OR2L13: variants seen among roughly 807,000 people sequenced by gnomAD.
The protein encoded by OR2L13 is olfactory receptor family 2 subfamily L member 13.
A neutral mutation model predicts 15.3 loss-of-function variants in OR2L13; 14 were observed. The ratio of observed to expected loss-of-function variants is 0.91; its 90% confidence interval spans 0.60 to 1.43. The LOEUF is 1.43. Among genes scored for constraint, OR2L13 ranks in the 40% most tolerant of loss-of-function variants. The pLI, the probability that OR2L13 is intolerant of heterozygous loss-of-function variation, is 0.00. For missense variants in OR2L13, 367 were observed against 387.9 expected (o/e 0.95, Z 0.45); for synonymous variants, 152 against 142.9 (o/e 1.06, Z -0.45).
chr1:248,008,303 AT>A, the OR2L13 span, among the ~76,000 whole-genome samples: 1 of 152,048 alleles, frequency 6.6e-6, no homozygotes, highest in Non-Finnish European at 1.5e-5. Context: ...CTATTCTTTG[AT>A]TTTTTCTATA....
the OR2L13 span, among the ~76,000 whole-genome samples, chr1:248,086,054 C>G: frequency 6.6e-6 from 1 of 152,212 alleles, no homozygotes; most frequent in African/African-American, 2.4e-5. Flanking sequence ...TTTTGCATAT[C>G]AGAGTTTGAA....
chr1:247,958,343 A>G, the OR2L13 span, among the ~76,000 whole-genome samples: 3,655 of 152,212 alleles, frequency 0.024, 74 homozygotes, highest in East Asian at 0.088. Context: ...AGATTTGCTG[A>G]GGAGTGCTTT....
At chr1:248,076,804 A>T in the OR2L13 span, among the ~76,000 whole-genome samples, 24 of 152,266 alleles carry the variant, frequency 1.6e-4, no homozygotes, top group Non-Finnish European at 2.9e-4. Flanking sequence ...ACAATTTGAC[A>T]TCCTCATTTC....
At chr1:248,021,567 C>T in the OR2L13 span, among the ~76,000 whole-genome samples, 16 of 152,136 alleles carry the variant, frequency 1.1e-4, no homozygotes, top group Non-Finnish European at 1.9e-4. Context: ...GTTCCCTTCA[C>T]TTTATTTCAT....
the OR2L13 span, among the ~76,000 whole-genome samples, chr1:248,042,817 C>T: frequency 1.3e-5 from 2 of 152,184 alleles, no homozygotes; most frequent in Non-Finnish European, 2.9e-5. Context: ...CTCATCCTCT[C>T]TTCACTAAAG....
the OR2L13 span, among the ~76,000 whole-genome samples, chr1:248,087,979 A>G: frequency 6.6e-6 from 1 of 152,208 alleles, no homozygotes; most frequent in Non-Finnish European, 1.5e-5. Flanking sequence ...TATTTATTCA[A>G]CATTTCTACA....
upstream of OR2L13, among the ~76,000 whole-genome samples, chr1:248,096,361 C>T (rs558108223): frequency 4.9e-4 from 72 of 147,914 alleles, 1 homozygote; most frequent in African/African-American, 1.3e-3. Context: ...CCAGCCTGGG[C>T]GACACAGTGA....
At chr1:248,100,266 G>A in exon 3 of OR2L13, 3 of 1,612,750 alleles carry the variant, frequency 1.9e-6, no homozygotes, top group Non-Finnish European at 2.5e-6. Flanking sequence ...AGGAAGTCCT[G>A]GGGGCTATGA....
At chr1:248,080,136 T>A in the OR2L13 span, among the ~76,000 whole-genome samples, 2 of 152,156 alleles carry the variant, frequency 1.3e-5, no homozygotes, top group African/African-American at 4.8e-5. Context: ...GATACATATT[T>A]TTTTTTACAT....
At chr1:248,099,559 C>T in exon 3 of OR2L13, 2 of 1,614,144 alleles carry the variant, frequency 1.2e-6, no homozygotes, top group East Asian at 4.5e-5. Flanking sequence ...GTACTTTCTT[C>T]TCAGCCAGCT....
the OR2L13 span, chr1:247,949,048 A>T: frequency 6.2e-7 from 1 of 1,613,740 alleles, no homozygotes; most frequent in African/African-American, 1.3e-5. Flanking sequence ...CTACTGAGTC[A>T]GCTCTCCCTC....
the OR2L13 span, among the ~76,000 whole-genome samples, chr1:247,953,822 T>C: frequency 1.3e-5 from 2 of 152,166 alleles, no homozygotes; most frequent in Non-Finnish European, 2.9e-5. Flanking sequence ...GGGAATGCAG[T>C]GTACCTGAAT....
chr1:247,992,528 C>T, the OR2L13 span, among the ~76,000 whole-genome samples: 1 of 152,132 alleles, frequency 6.6e-6, no homozygotes, highest in Non-Finnish European at 1.5e-5. Context: ...TTAATCCCAT[C>T]CCCTCCCTCT....
the OR2L13 span, among the ~76,000 whole-genome samples, chr1:248,080,959 A>G: frequency 6.6e-6 from 1 of 152,182 alleles, no homozygotes; most frequent in African/African-American, 2.4e-5. Context: ...TTTTGTTTCT[A>G]CCATTCATGG....
chr1:248,030,823 G>T, the OR2L13 span, among the ~76,000 whole-genome samples: 1 of 152,094 alleles, frequency 6.6e-6, no homozygotes, highest in East Asian at 1.9e-4. Context: ...CATATTGCAC[G>T]TGCCAGTGTG....
At chr1:248,074,915 C>T in the OR2L13 span, among the ~76,000 whole-genome samples, 1 of 152,136 alleles carries the variant, frequency 6.6e-6, no homozygotes, top group African/African-American at 2.4e-5. Flanking sequence ...GGTATATGTG[C>T]ACAATGTGCA....
chr1:248,082,709 A>C, the OR2L13 span, among the ~76,000 whole-genome samples: 2 of 152,198 alleles, frequency 1.3e-5, no homozygotes, highest in South Asian at 4.1e-4. Context: ...CCAAACCTTT[A>C]GAAGGTGTCC....
At chr1:247,977,902 T>C in the OR2L13 span, among the ~76,000 whole-genome samples, 19 of 152,168 alleles carry the variant, frequency 1.2e-4, no homozygotes, top group African/African-American at 4.3e-4. Context: ...CACTCACTTC[T>C]CGACCAATCA....
chr1:247,976,801 C>G, the OR2L13 span, among the ~76,000 whole-genome samples: 1 of 152,196 alleles, frequency 6.6e-6, no homozygotes, highest in African/African-American at 2.4e-5. Flanking sequence ...ACTTTATGTT[C>G]TCTTCATCTT....
Sources: allele counts gnomAD v4.1 joint callset (sites outside exome capture counted in the v4.1 genomes callset), GRCh38; gene constraint gnomAD v4.1.1; transcripts MANE v1.5; gene names NCBI Gene and HGNC (gene_info 2026-07-23, HGNC 2026-07-21).